The following C7orf78 variants were observed in gnomAD, a reference collection of about 807,000 sequenced individuals.
C7orf78 encodes the protein chromosome 7 open reading frame 78, also known as putative uncharacterized protein C7orf78.
chr7:12,486,333 T>C, the C7orf78 span, among the ~76,000 whole-genome samples: 1 of 152,028 alleles, frequency 6.6e-6, no homozygotes, highest in Non-Finnish European at 1.5e-5. Context: ...TGTAAGTTCA[T>C]ATGAATTTTG....
the C7orf78 span, among the ~76,000 whole-genome samples, chr7:12,536,611 A>C: frequency 2.8e-4 from 42 of 152,256 alleles, no homozygotes; most frequent in African/African-American, 9.9e-4. Context: ...TTCTCCTCAG[A>C]AAACGCTTTT....
chr7:12,532,332 G>A, the C7orf78 span, among the ~76,000 whole-genome samples: 2 of 152,078 alleles, frequency 1.3e-5, no homozygotes, highest in Non-Finnish European at 2.9e-5. Flanking sequence ...GGTGAATCAC[G>A]AGGTCTGGAG....
chr7:12,513,222 TTCTC>T, the C7orf78 span, among the ~76,000 whole-genome samples: 2 of 151,834 alleles, frequency 1.3e-5, no homozygotes, highest in East Asian at 3.9e-4. Context: ...TCTTCTGTCT[TTCTC>T]TCTTTCTTTC....
the C7orf78 span, among the ~76,000 whole-genome samples, chr7:12,513,332 GT>G: frequency 6.6e-6 from 1 of 150,672 alleles, no homozygotes; most frequent in Admixed American, 6.6e-5. Context: ...TAAAATCTTT[GT>G]TTTTTTGGTT....
chr7:12,511,658 T>C, the C7orf78 span, among the ~76,000 whole-genome samples: 2 of 152,210 alleles, frequency 1.3e-5, no homozygotes, highest in African/African-American at 2.4e-5. Flanking sequence ...TGATTGCTTT[T>C]TTGGCTATTT....
At chr7:12,484,127 T>G in the C7orf78 span, 1 of 152,308 alleles carries the variant, frequency 6.6e-6, no homozygotes, top group Admixed American at 6.5e-5. Context: ...TAAAAATACT[T>G]AAACACTGTA....
At chr7:12,525,800 T>C in the C7orf78 span, 1 of 396,596 alleles carries the variant, frequency 2.5e-6, no homozygotes, top group East Asian at 3.6e-5. Flanking sequence ...AATATTGCAA[T>C]CTTTCCTTTA....
the C7orf78 span, among the ~76,000 whole-genome samples, chr7:12,529,474 CTG>C: frequency 6.6e-6 from 1 of 152,156 alleles, no homozygotes; most frequent in African/African-American, 2.4e-5. Context: ...AAGCCAAACT[CTG>C]TAAAATATTT....
the C7orf78 span, among the ~76,000 whole-genome samples, chr7:12,511,968 G>T: frequency 1.5e-5 from 2 of 131,662 alleles, no homozygotes; most frequent in African/African-American, 5.8e-5. Context: ...GTAGAGACGG[G>T]GTTTCACCGT....
At chr7:12,503,684 G>A in the C7orf78 span, among the ~76,000 whole-genome samples, 2 of 151,856 alleles carry the variant, frequency 1.3e-5, no homozygotes, top group South Asian at 4.2e-4. Flanking sequence ...ATGTATACAT[G>A]TGCCATGTTG....
At chr7:12,497,167 G>A in the C7orf78 span, among the ~76,000 whole-genome samples, 3 of 152,168 alleles carry the variant, frequency 2.0e-5, no homozygotes, top group Non-Finnish European at 2.9e-5. Flanking sequence ...TAACTAGCCC[G>A]AATCAAATAA....
chr7:12,535,414 C>T, the C7orf78 span, among the ~76,000 whole-genome samples: 2 of 152,162 alleles, frequency 1.3e-5, no homozygotes, highest in African/African-American at 2.4e-5. Flanking sequence ...CATTCACTAT[C>T]ACAAGAACAG....
the C7orf78 span, among the ~76,000 whole-genome samples, chr7:12,487,426 G>A: frequency 2.6e-5 from 4 of 152,068 alleles, no homozygotes; most frequent in Non-Finnish European, 4.4e-5. Context: ...TCAAAATGCA[G>A]TTTCTCCAGT....
At chr7:12,505,134 G>C in the C7orf78 span, among the ~76,000 whole-genome samples, 3 of 151,796 alleles carry the variant, frequency 2.0e-5, no homozygotes, top group Non-Finnish European at 2.9e-5. Context: ...TCACTATTAT[G>C]GTGAAGTTTT....
At chr7:12,524,747 G>T in the C7orf78 span, among the ~76,000 whole-genome samples, 1 of 151,968 alleles carries the variant, frequency 6.6e-6, no homozygotes, top group Non-Finnish European at 1.5e-5. Context: ...GGAGGCTGAG[G>T]CAAGAGAATC....
the C7orf78 span, among the ~76,000 whole-genome samples, chr7:12,520,759 T>C: frequency 6.6e-6 from 1 of 152,202 alleles, no homozygotes; most frequent in Non-Finnish European, 1.5e-5. Flanking sequence ...AGAATGCAGT[T>C]TAACTTTGAT....
At chr7:12,523,314 T>A in the C7orf78 span, 1 of 398,370 alleles carries the variant, frequency 2.5e-6, no homozygotes, top group East Asian at 3.6e-5. Context: ...GCTCCTAAAT[T>A]TATAACTACA....
At chr7:12,513,132 A>T in the C7orf78 span, among the ~76,000 whole-genome samples, 1 of 151,586 alleles carries the variant, frequency 6.6e-6, no homozygotes, top group Non-Finnish European at 1.5e-5. Context: ...TATTTCATTG[A>T]TTCTCTGTAT....
At chr7:12,521,442 T>C in the C7orf78 span, among the ~76,000 whole-genome samples, 1 of 152,006 alleles carries the variant, frequency 6.6e-6, no homozygotes, top group Non-Finnish European at 1.5e-5. Context: ...AATCTACCCA[T>C]TATATGACCT....
Sources: allele counts gnomAD v4.1 joint callset (sites outside exome capture counted in the v4.1 genomes callset), GRCh38; gene constraint gnomAD v4.1.1; transcripts MANE v1.5; gene names NCBI Gene and HGNC (gene_info 2026-07-23, HGNC 2026-07-21).